HTT: variants seen among roughly 807,000 people sequenced by gnomAD.
The protein encoded by HTT is huntington disease protein.
A neutral mutation model predicts 362.3 loss-of-function variants in HTT; 104 were observed. That is an observed-to-expected ratio of 0.29 (90% confidence interval 0.24 to 0.34). HTT has a LOEUF of 0.34. Ranked by LOEUF, HTT falls within the 10% of genes least tolerant of loss-of-function variation. The pLI, the probability that HTT is intolerant of heterozygous loss-of-function variation, is 1.00. For synonymous variants in HTT, 1,577 were observed against 1,548.7 expected, an observed-to-expected ratio of 1.02 and a Z score of -0.43; for missense variants, 3,301 against 3,928.6, an observed-to-expected ratio of 0.84 and a Z score of 4.27.
chr4:3,223,499 C>A lies in HTT; in HGVS notation c.7564C>A (p.Pro2522Thr), dbSNP rs749184636. 6.2e-7 allele frequency: 1 copy of A among 1,614,042 alleles called. No individual in the cohort carries two copies. Among genetic ancestry groups the A allele is most frequent in the South Asian group, 1.1e-5 (1 of 91,060 alleles). ...SAMTVPVAGN[P>T]AVSCLEQQPR... The stretch of plus-strand genomic sequence containing the variant: ...AATGACTGTGCCTGTGGCCGGCAAC[C>A]CAGCTGTAAGCTGCTTGGAGCAGCA... Residue 2522 changes from proline to threonine, a missense_variant, in exon 55 of 67, where the codon CCA (proline) becomes ACA (threonine). Around this residue, in one of 4 missense-constraint regions of HTT, gnomAD observed 753 missense variants for 1,021.3 expected, o/e 0.74. Transcript: ENST00000355072.
intron 26 of HTT, among the ~76,000 whole-genome samples, chr4:3,150,508 G>A (rs374883215): frequency 6.6e-6 from 1 of 151,984 alleles, no homozygotes; most frequent in African/African-American, 2.4e-5. Flanking sequence ...TGTCAGACAC[G>A]GTGTGATGAG....
At chr4:3,127,715 G>C (rs1578519819) in intron 12 of HTT, 111 bp downstream of exon 12, 1 of 775,708 alleles carries the variant, frequency 1.3e-6, no homozygotes, top group South Asian at 1.8e-5. Context: ...TGTAATCCCA[G>C]CACTTTGGGA....
At chr4:3,208,592 T>C (rs576032294) in intron 45 of HTT, among the ~76,000 whole-genome samples, 181 bp from the exon 46 acceptor site, 3 of 152,310 alleles carry the variant, frequency 2.0e-5, no homozygotes, top group East Asian at 1.9e-4. Flanking sequence ...TGTTTGAGTA[T>C]TGATGAGAAG....
rs369049561 is a variant in HTT, at chr4:3,217,858, G to A, written c.7148G>A (p.Gly2383Asp). 23 of 1,614,060 alleles carry A rather than the reference G, an allele frequency of 1.4e-5. No homozygotes were observed. In the Middle Eastern group the frequency reaches 6.6e-4, roughly 46 times the overall value. The change falls in exon 52 of 67, where the codon GGC becomes GAC. Residue 2383 changes from glycine (G) to aspartate (D), a missense_variant. By Grantham distance (94) the Gly-to-Asp change is moderately conservative. Around this residue, in one of 4 missense-constraint regions of HTT, gnomAD observed 753 missense variants for 1,021.3 expected, o/e 0.74. Coordinates refer to ENST00000355072, the MANE Select transcript of HTT (RefSeq NM_001388492.1). ...VLALGHKRNS[G>D]VPAFLTPLLR... ...GCCTTGGGTCATAAAAGGAATAGCG[G>A]CGTGCCGGCGTTTCTCACGCCATTG...
chr4:3,142,999 C>T, intron 23 of HTT, 113 bp downstream of exon 23: 2 of 736,426 alleles, frequency 2.7e-6, no homozygotes, highest in South Asian at 2.2e-5. Context: ...ACAGCTCTTA[C>T]TTATCCATGA....
At chr4:3,086,439 G>C (rs1713211559) in intron 1 of HTT, among the ~76,000 whole-genome samples, 1 of 152,184 alleles carries the variant, frequency 6.6e-6, no homozygotes, top group African/African-American at 2.4e-5. Flanking sequence ...GGGAGGCCAA[G>C]ATGGGAAGAT....
At chr4:3,203,379 G>A (rs1296334404) in intron 41 of HTT, among the ~76,000 whole-genome samples, 1 of 152,208 alleles carries the variant, frequency 6.6e-6, no homozygotes, top group East Asian at 1.9e-4. Flanking sequence ...AAGGTCAGAG[G>A]GGCAGTTTGG....
rs1374552676 is a variant in HTT, at chr4:3,116,094, T to C, written c.899T>C (p.Val300Ala). 6.2e-7 allele frequency: 1 copy of C among 1,610,116 alleles called. No individual in the cohort carries two copies. Among genetic ancestry groups the C allele is most frequent in the Admixed American group, 1.7e-5 (1 of 59,982 alleles). ...GCTTCCACCCCCACAGGCTTACTCG[T>C]TCCTGTCGAGGATGAACACTCCACT... ...WLLNVLLGLLVPVEDEHSTLL... is the reference protein window; with the variant it reads ...WLLNVLLGLLAPVEDEHSTLL... The change falls in exon 8 of 67, where the codon GTT becomes GCT. Residue 300 changes from valine (V) to alanine (A), a missense_variant. Around this residue, in one of 4 missense-constraint regions of HTT, gnomAD observed 2,316 missense variants for 2,658.5 expected, o/e 0.87. Transcript: ENST00000355072.
At chr4:3,130,220 T>C (rs187932110) in intron 13 of HTT, 85 bp from the exon 14 acceptor site, 4 of 1,069,066 alleles carry the variant, frequency 3.7e-6, no homozygotes, top group South Asian at 1.6e-5. Context: ...CTAAATCTTA[T>C]ACTTTTGAGT....
At position 3,074,932 on chromosome 4, in the gene HTT, A is replaced by AACGGCC; in HGVS notation, c.107_108insACGGCC (p.Gln36_Gln37insArgPro). The AACGGCC allele has an allele frequency of 4.7e-6, 6 of 1,277,748 alleles. No homozygotes were observed. Among genetic ancestry groups the AACGGCC allele is most frequent in the Non-Finnish European group, 6.2e-6 (6 of 963,928 alleles). 79.2% of individuals were successfully genotyped at this position (1,277,748 alleles called of 1,614,324 possible). ...CAGCAGCAGCAGCAGCAGCAGCAGC[A>AACGGCC]GCAACAGCCGCCACCGCCGCCGCCG... On this transcript the variant is annotated inframe_insertion, in exon 1 of 67. Coordinates refer to ENST00000355072, the MANE Select transcript of HTT (RefSeq NM_001388492.1).
At position 3,203,990 on chromosome 4, in the gene HTT, T is replaced by C; in HGVS notation, c.5577-17T>C. 2.5e-6 allele frequency: 4 copies of C among 1,612,482 alleles called. No homozygotes were observed. Among genetic ancestry groups the C allele is most frequent in the Non-Finnish European group, 3.4e-6 (4 of 1,178,664 alleles). ...GCCATCCAGAAACATTGTCAATGCA[T>C]CTGTTGCTCCTTCTAGAAGACACAG... On this transcript the variant is annotated splice_polypyrimidine_tract_variant and intron_variant, in intron 41 of 66. Coordinates refer to ENST00000355072, the MANE Select transcript of HTT (RefSeq NM_001388492.1).
intron 41 of HTT, 31 bp downstream of exon 41, chr4:3,199,970 G>T (rs199512678): frequency 6.4e-7 from 1 of 1,565,956 alleles, no homozygotes. Flanking sequence ...AGCCCAGGGC[G>T]CCAGCCCAGC....
At chr4:3,087,799 T>G (rs1352946391) in intron 2 of HTT, among the ~76,000 whole-genome samples, 1 of 152,192 alleles carries the variant, frequency 6.6e-6, no homozygotes, top group Non-Finnish European at 1.5e-5. Flanking sequence ...AGAAAAAAAT[T>G]TTTAGACAAA....
intron 38 of HTT, 119 bp downstream of exon 38, chr4:3,186,838 CTTTTTTTTTT>C: frequency 2.0e-5 from 5 of 250,382 alleles, no homozygotes; most frequent in East Asian, 9.2e-5. Context: ...TGAGAGTTTG[CTTTTTTTTTT>C]TTTTTTTTTT....
At chr4:3,177,745 A>G (rs572100901) in intron 34 of HTT, among the ~76,000 whole-genome samples, 1 of 152,320 alleles carries the variant, frequency 6.6e-6, no homozygotes, top group South Asian at 2.1e-4. Context: ...ATTATTATGC[A>G]TTTGTATTCT....
rs568492937 is a variant in HTT at position 3,187,155 on chromosome 4, G to A, written c.4989+436G>A. Reference sequence around the variant, plus strand: ...ATTACAGGCGTGAGCCACCGCACCCGGCCTTTTTATTTTTTTTGGAGATGG... The same window carrying A: ...ATTACAGGCGTGAGCCACCGCACCCAGCCTTTTTATTTTTTTTGGAGATGG... On this transcript the variant is annotated intron_variant, in intron 38 of 66. Transcript: ENST00000355072. Among the ~76,000 whole-genome samples the A allele has an allele frequency of 1.9e-3, 279 of 147,512 alleles. 1 individual carries two copies. Among genetic ancestry groups the A allele is most frequent in the African/African-American group, 6.4e-3 (256 of 39,734 alleles).
intron 30 of HTT, 59 bp downstream of exon 30, chr4:3,172,456 T>C: frequency 9.3e-7 from 1 of 1,072,094 alleles, no homozygotes; most frequent in East Asian, 2.4e-5. Flanking sequence ...AGCAAAACGC[T>C]GCTACTCCTT....
rs1720878864 is a variant in HTT at position 3,225,719 on chromosome 4, G to A, written c.7824G>A (p.Gly2608=). The part of the protein sequence containing the change: ...LLQINPEREL[G]SMSYKLGQVS... ...AGATCAACCCCGAGCGGGAGCTGGG[G>A]AGCATGAGCTACAAACTCGGCCAGG... The change falls in exon 57 of 67, where the codon GGG becomes GGA. Residue 2608 remains glycine, a synonymous_variant. Transcript: ENST00000355072. 6.2e-7 allele frequency: 1 copy of A among 1,613,986 alleles called. No individual in the cohort carries two copies. The highest frequency in any genetic ancestry group is 1.1e-5 in the South Asian group (1 of 91,076).
chr4:3,180,367 T>C, intron 35 of HTT, 148 bp from the exon 36 acceptor site: 2 of 557,380 alleles, frequency 3.6e-6, no homozygotes, highest in Non-Finnish European at 3.0e-6. Flanking sequence ...GGTATAATGA[T>C]TGATAACCTT....
Sources: gnomAD v4.1 joint callset for allele counts (sites outside exome capture counted in the v4.1 genomes callset) on GRCh38, gnomAD v4.1.1 for gene constraint, gnomAD v4.1.1 regional missense constraint, MANE v1.5 for transcripts, NCBI Gene and HGNC (gene_info 2026-07-23, HGNC 2026-07-21) for gene names.